Variants in MEGF9 observed in about 807,000 individuals in gnomAD.
MEGF9 encodes the protein multiple EGF like domains 9.
A neutral mutation model predicts 46.8 loss-of-function variants in MEGF9; 6 were observed. The ratio of observed to expected loss-of-function variants is 0.13; its 90% CI spans 0.07 to 0.25. The LOEUF is 0.25. Among genes scored for constraint, MEGF9 ranks in the 10% least tolerant of loss-of-function variants. MEGF9 has a pLI of 1.00. For missense variants in MEGF9, 683 were observed against 792.4 expected, an observed-to-expected ratio of 0.86 and a Z score of 1.66; for synonymous variants, 302 against 330.7, an observed-to-expected ratio of 0.91 and a Z score of 0.94.
intron 1 of MEGF9, among the ~76,000 whole-genome samples, chr9:120,706,573 A>G (rs927521410): frequency 2.0e-5 from 3 of 152,360 alleles, no homozygotes; most frequent in Admixed American, 6.5e-5. Flanking sequence ...GGTGTCTCAC[A>G]CCTGTAATCC....
At chr9:120,679,211 C>G (rs995326581) in intron 1 of MEGF9, among the ~76,000 whole-genome samples, 3 of 152,096 alleles carry the variant, frequency 2.0e-5, no homozygotes, top group Non-Finnish European at 4.4e-5. Context: ...ATAGCAAAGA[C>G]TTGGAACCAA....
chr9:120,690,544 AT>A (rs1288005942), intron 1 of MEGF9, among the ~76,000 whole-genome samples: 3 of 152,132 alleles, frequency 2.0e-5, no homozygotes, highest in Non-Finnish European at 1.5e-5. Flanking sequence ...CTTTTTATTT[AT>A]TTCATTCAAA....
chr9:120,620,912 G>A (rs552963080), intron 3 of MEGF9, among the ~76,000 whole-genome samples: 96 of 150,846 alleles, frequency 6.4e-4, no homozygotes, highest in Non-Finnish European at 1.3e-3. Flanking sequence ...TTTGAATGAA[G>A]AATAAAACTT....
chr9:120,696,681 C>G (rs1452347712), intron 1 of MEGF9, among the ~76,000 whole-genome samples: 1 of 152,130 alleles, frequency 6.6e-6, no homozygotes, highest in Admixed American at 6.5e-5. Context: ...ATGAGGATGG[C>G]AGACATCTTG....
At chr9:120,654,613 T>C (rs1334238486) in intron 2 of MEGF9, among the ~76,000 whole-genome samples, 1 of 152,182 alleles carries the variant, frequency 6.6e-6, no homozygotes. Flanking sequence ...GACTTACTGG[T>C]TCATGTATTT....
At chr9:120,623,396 C>G (rs1008682452) in intron 2 of MEGF9, among the ~76,000 whole-genome samples, 1 of 152,212 alleles carries the variant, frequency 6.6e-6, no homozygotes, top group Admixed American at 6.5e-5. Flanking sequence ...TCTTTTCTCA[C>G]TGCAAGTAAA....
chr9:120,679,761 A>G (rs1022962271), intron 1 of MEGF9, among the ~76,000 whole-genome samples: 5 of 152,064 alleles, frequency 3.3e-5, no homozygotes, highest in African/African-American at 9.7e-5. Flanking sequence ...AACATAGTGA[A>G]ACCCCGTCTC....
intron 1 of MEGF9, among the ~76,000 whole-genome samples, chr9:120,669,184 T>C (rs1265874341): frequency 3.3e-5 from 5 of 152,214 alleles, no homozygotes; most frequent in Admixed American, 6.5e-5. Context: ...GCAATTTCCT[T>C]TGAAAATTTA....
chr9:120,699,339 A>G (rs1379701261), intron 1 of MEGF9, among the ~76,000 whole-genome samples: 1 of 152,148 alleles, frequency 6.6e-6, no homozygotes, highest in Non-Finnish European at 1.5e-5. Context: ...TGATTTTAAA[A>G]AAGCTTTATG....
intron 3 of MEGF9, among the ~76,000 whole-genome samples, chr9:120,614,310 C>A (rs2043461943): frequency 6.6e-6 from 1 of 152,136 alleles, no homozygotes; most frequent in African/African-American, 2.4e-5. Flanking sequence ...TCTTAACTGA[C>A]TACAGCAAAA....
chr9:120,604,193 G>A lies in MEGF9; in HGVS notation c.*997C>T, dbSNP rs2043409602. On this transcript the variant is annotated 3_prime_UTR_variant, in exon 6 of 6. Transcript: ENST00000373930. ...CAAAGAGCATATAACTCTACTTTTAGACTGAGAAAGGAAAGAAAGAAACAT... is the reference window on the plus strand; with the variant it reads ...CAAAGAGCATATAACTCTACTTTTAAACTGAGAAAGGAAAGAAAGAAACAT... 3.9e-5 allele frequency: 6 copies of A among 152,536 alleles called. No homozygotes were observed. Among genetic ancestry groups the A allele is most frequent in the Admixed American group, 3.3e-4 (5 of 15,270 alleles). The allele number at this position is 152,536 out of a possible 1,614,324, so 9.4% of individuals were successfully genotyped here.
At chr9:120,655,278 G>A (rs74753085) in intron 2 of MEGF9, among the ~76,000 whole-genome samples, 2,390 of 152,080 alleles carry the variant, frequency 0.016, 56 homozygotes, top group African/African-American at 0.054. Context: ...TCTTTTATAC[G>A]TTTGCTGTAT....
intron 1 of MEGF9, among the ~76,000 whole-genome samples, chr9:120,697,941 C>T (rs1412535485): frequency 1.3e-5 from 2 of 152,130 alleles, no homozygotes; most frequent in Non-Finnish European, 2.9e-5. Flanking sequence ...CTGCTACTCC[C>T]ATCTGCTTTG....
chr9:120,646,579 C>T (rs2043627251), intron 2 of MEGF9, among the ~76,000 whole-genome samples: 1 of 152,168 alleles, frequency 6.6e-6, no homozygotes, highest in African/African-American at 2.4e-5. Context: ...GAATTCAGCT[C>T]TGAGTTTTCC....
At chr9:120,683,769 C>T (rs1011701690) in intron 1 of MEGF9, among the ~76,000 whole-genome samples, 1 of 151,926 alleles carries the variant, frequency 6.6e-6, no homozygotes, top group Non-Finnish European at 1.5e-5. Flanking sequence ...GGGCACACAC[C>T]TGCAGTCCCA....
intron 1 of MEGF9, among the ~76,000 whole-genome samples, chr9:120,681,736 T>C (rs2132333208): frequency 6.6e-6 from 1 of 152,312 alleles, no homozygotes; most frequent in Non-Finnish European, 1.5e-5. Flanking sequence ...TAACTATTCT[T>C]CAATTTATAT....
intron 2 of MEGF9, among the ~76,000 whole-genome samples, chr9:120,653,464 C>A (rs1564421202): frequency 6.6e-6 from 1 of 151,744 alleles, no homozygotes; most frequent in Non-Finnish European, 1.5e-5. Context: ...TTCCACCTCC[C>A]AGGTTCAAGC....
At chr9:120,645,332 G>C (rs2043620936) in intron 2 of MEGF9, among the ~76,000 whole-genome samples, 1 of 152,170 alleles carries the variant, frequency 6.6e-6, no homozygotes, top group South Asian at 2.1e-4. Context: ...GAGCATCCTT[G>C]AAAGAATGTG....
chr9:120,603,135 A>C lies in MEGF9; in HGVS notation c.*2055T>G, dbSNP rs917755137. The C allele has an allele frequency of 6.6e-6, 1 of 152,152 alleles. No individual in the cohort carries two copies. Among genetic ancestry groups the C allele is most frequent in the African/African-American group, 2.4e-5 (1 of 41,438 alleles). The allele number at this position is 152,152 out of a possible 1,614,324, so 9.4% of individuals were successfully genotyped here. A position where few individuals can be genotyped will look rare whatever the true frequency, so the allele number is the denominator to read the frequency against. ...ATAGTTGAAAAAACATGTGCTTTAG[A>C]GTTAGAGGCCCTGATTCCAAGCCTA... On this transcript the variant is annotated 3_prime_UTR_variant, in exon 6 of 6. Transcript: ENST00000373930.
Sources: allele counts gnomAD v4.1 joint callset (sites outside exome capture counted in the v4.1 genomes callset), GRCh38; gene constraint gnomAD v4.1.1; transcripts MANE v1.5; gene names NCBI Gene and HGNC (gene_info 2026-07-23, HGNC 2026-07-21).